MTAP: variants seen among roughly 807,000 people sequenced by gnomAD.
MTAP encodes the protein S-methyl-5'-thioadenosine phosphorylase.
MTAP carries 33 observed loss-of-function variants against 33.6 expected under a neutral mutation model. That is an observed-to-expected ratio of 0.98 (90% CI 0.74 to 1.31). The LOEUF is 1.31. MTAP is among the 40% of genes most tolerant of loss of function. The probability of loss-of-function intolerance (pLI) is 0.00; values close to 1 mark genes in which losing one functional copy is unlikely to be tolerated. For synonymous variants in MTAP, 148 were observed against 125.7 expected (o/e 1.18, Z -1.19); for missense variants, 367 against 360.0 (o/e 1.02, Z -0.16).
chr9:21,819,216 G>A (rs1009255982), intron 4 of MTAP, among the ~76,000 whole-genome samples: 1 of 150,234 alleles, frequency 6.7e-6, no homozygotes, highest in African/African-American at 2.5e-5. Context: ...ATGTGTACAT[G>A]TGCCATGTTG....
chr9:21,853,930 T>A (rs1825574056), intron 5 of MTAP, among the ~76,000 whole-genome samples: 1 of 152,188 alleles, frequency 6.6e-6, no homozygotes, highest in Admixed American at 6.5e-5. Context: ...AGGTAATTAA[T>A]AACTTGAAGA....
intron 1 of MTAP, among the ~76,000 whole-genome samples, chr9:21,927,002 T>C (rs1206938649): frequency 6.6e-6 from 1 of 152,190 alleles, no homozygotes; most frequent in Admixed American, 6.5e-5. Context: ...GTGGAATTAT[T>C]AAGTCCTTAT....
intron 1 of MTAP, among the ~76,000 whole-genome samples, chr9:21,889,689 T>C (rs898626292): frequency 3.3e-5 from 5 of 152,136 alleles, no homozygotes; most frequent in Admixed American, 3.3e-4. Flanking sequence ...CCAGCAGAGC[T>C]ACCAGGCTCC....
chr9:21,871,534 C>T (rs1260285138), downstream of MTAP, among the ~76,000 whole-genome samples: 1 of 152,128 alleles, frequency 6.6e-6, no homozygotes, highest in Admixed American at 6.5e-5. Context: ...TTATTTCTAC[C>T]TTGTTTACTT....
At chr9:21,854,139 A>G (rs1393919286) in intron 5 of MTAP, among the ~76,000 whole-genome samples, 4 of 152,238 alleles carry the variant, frequency 2.6e-5, no homozygotes, top group Non-Finnish European at 5.9e-5. Flanking sequence ...AAGCTTTTAC[A>G]GAAGTCTTCA....
At chr9:21,934,711 T>G (rs912866875), downstream of MTAP, 2 of 151,994 alleles carry the variant, frequency 1.3e-5, no homozygotes, top group Non-Finnish European at 2.9e-5. The surrounding 1 kb of genome is among the most constrained non-coding windows in gnomAD (Gnocchi z 5.0). Flanking sequence ...TTTTTGGTTT[T>G]TTTTTTTGAG....
Position 21,866,054 on chromosome 9 carries a change from C to T in MTAP, c.*4040C>T, listed in dbSNP as rs1417988826. 2 of 153,348 alleles carry T rather than the reference C, an allele frequency of 1.3e-5. No homozygotes were observed. Among genetic ancestry groups the T allele is most frequent in the African/African-American group, 4.8e-5 (2 of 41,440 alleles). 9.5% of individuals were successfully genotyped at this position (153,348 alleles called of 1,614,324 possible). A position where few individuals can be genotyped will look rare whatever the true frequency, so the allele number is the denominator to read the frequency against. ...TAATTTGTAAGAATTCTTGACAAAGCTTGGTATTGTCAGCGTTTTTAATTT... is the reference window on the plus strand; with the variant it reads ...TAATTTGTAAGAATTCTTGACAAAGTTTGGTATTGTCAGCGTTTTTAATTT... On this transcript the variant is annotated 3_prime_UTR_variant, in exon 8 of 8. Coordinates refer to ENST00000644715, the MANE Select transcript of MTAP (RefSeq NM_002451.4).
Position 21,831,044 on chromosome 9 carries a change from A to G in MTAP, c.348-6864A>G, listed in dbSNP as rs74840626. Among the ~76,000 whole-genome samples the G allele has an allele frequency of 1.8e-3, 281 of 152,244 alleles. 1 individual carries two copies. Among genetic ancestry groups the G allele is most frequent in the African/African-American group, 6.5e-3 (270 of 41,534 alleles). On this transcript the variant is annotated intron_variant, in intron 4 of 7. Coordinates refer to ENST00000644715, the MANE Select transcript of MTAP (RefSeq NM_002451.4). Reference sequence around the variant, plus strand: ...GAGGCATTTTGTTGTCTCCTCCTGTACTTGTGGTACATGGGCCCTCCATTT... The same window carrying G: ...GAGGCATTTTGTTGTCTCCTCCTGTGCTTGTGGTACATGGGCCCTCCATTT...
chr9:21,862,773 G>A lies in MTAP; in HGVS notation c.*759G>A, dbSNP rs1825779846. ...TACTAGTTTTGCTTTAAAATGCTAT[G>A]TAAATATACAAAAAAACTAGAAAGA... On this transcript the variant is annotated 3_prime_UTR_variant, in exon 8 of 8. Coordinates refer to ENST00000644715, the MANE Select transcript of MTAP (RefSeq NM_002451.4). 1 of 244,558 alleles carries A rather than the reference G, an allele frequency of 4.1e-6. No homozygotes were observed. The highest frequency in any genetic ancestry group is 2.4e-5 in the African/African-American group (1 of 41,654). 15.1% of individuals were successfully genotyped at this position (244,558 alleles called of 1,614,324 possible).
At chr9:21,808,434 C>A (rs373563800) in intron 1 of MTAP, among the ~76,000 whole-genome samples, 2 of 145,978 alleles carry the variant, frequency 1.4e-5, no homozygotes, top group African/African-American at 2.5e-5. Context: ...AAAAAAAAAA[C>A]AAAAAAATTA....
intron 1 of MTAP, among the ~76,000 whole-genome samples, chr9:21,906,472 A>G (rs751930987): frequency 5.3e-5 from 8 of 152,076 alleles, no homozygotes; most frequent in East Asian, 3.9e-4. Flanking sequence ...GGAGGAGAGC[A>G]GAGAGGGGAG....
chr9:21,811,498 A>T (rs1824347033), intron 1 of MTAP: 1 of 255,948 alleles, frequency 3.9e-6, no homozygotes, highest in Non-Finnish European at 7.9e-6. Context: ...TCTTTAGAAC[A>T]TGTGATGTCA....
intron 4 of MTAP, among the ~76,000 whole-genome samples, chr9:21,826,966 C>T (rs1248978826): frequency 6.6e-6 from 1 of 152,056 alleles, no homozygotes; most frequent in Admixed American, 6.5e-5. Flanking sequence ...GTTGTGCACT[C>T]CTTATGAAAA....
downstream of MTAP, chr9:21,940,981 T>G (rs1819129116): frequency 1.0e-6 from 1 of 985,174 alleles, no homozygotes; most frequent in African/African-American, 1.7e-5. Flanking sequence ...GTGACAACTT[T>G]CAAAGTGAGT....
intron 1 of MTAP, among the ~76,000 whole-genome samples, chr9:21,927,401 T>A (rs1818887197): frequency 2.0e-5 from 3 of 152,070 alleles, no homozygotes; most frequent in Admixed American, 2.0e-4. Flanking sequence ...CCGCAATGGA[T>A]CACTGACAAC....
intron 1 of MTAP, among the ~76,000 whole-genome samples, chr9:21,904,904 C>T (rs1304388330): frequency 6.6e-6 from 1 of 152,110 alleles, no homozygotes; most frequent in South Asian, 2.1e-4. Context: ...GAGAAGTGTT[C>T]TCTTATCCTT....
chr9:21,895,737 T>G (rs1818281149), intron 1 of MTAP, among the ~76,000 whole-genome samples: 1 of 152,202 alleles, frequency 6.6e-6, no homozygotes, highest in Non-Finnish European at 1.5e-5. Context: ...GAGATGGAAC[T>G]GCAAGGCGGC....
At chr9:21,900,424 A>T (rs1276542667) in intron 1 of MTAP, among the ~76,000 whole-genome samples, 1 of 152,174 alleles carries the variant, frequency 6.6e-6, no homozygotes, top group Non-Finnish European at 1.5e-5. Flanking sequence ...AATGCTCAAC[A>T]TCACTAATAA....
rs370095169 is a variant in MTAP at position 21,824,411 on chromosome 9, A to C, written c.347+6209A>C. On this transcript the variant is annotated intron_variant, in intron 4 of 7. Transcript: ENST00000644715. ...GGATATCAGCAGTGGAGGCTGCAGA[A>C]CGGCGAATGTTGCTGAACAGCAAAT... Among the ~76,000 whole-genome samples the C allele has an allele frequency of 4.3e-4, 66 of 152,298 alleles. 1 individual carries two copies. The highest frequency in any genetic ancestry group is 1.6e-3 in the African/African-American group (65 of 41,560).
Sources: allele counts gnomAD v4.1 joint callset (sites outside exome capture counted in the v4.1 genomes callset), GRCh38; gene constraint gnomAD v4.1.1; non-coding constraint Gnocchi (gnomAD v3.1); transcripts MANE v1.5; gene names NCBI Gene and HGNC (gene_info 2026-07-23, HGNC 2026-07-21).